The following RASAL2 variants were observed in gnomAD, a reference collection of about 807,000 sequenced individuals.
RASAL2 encodes ras GTPase-activating protein nGAP.
Under a neutral mutation model 128.9 loss-of-function variants are expected in RASAL2, and 58 were observed. The ratio of observed to expected loss-of-function variants is 0.45; its 90% CI spans 0.36 to 0.56. RASAL2 has a LOEUF of 0.56. Ranked by LOEUF, RASAL2 falls within the 20% of genes least tolerant of loss-of-function variation. The pLI, the probability that RASAL2 is intolerant of heterozygous loss-of-function variation, is 0.00. For missense variants in RASAL2, 1,360 were observed against 1,601.6 expected, an observed-to-expected ratio of 0.85 and a Z score of 2.57; for synonymous variants, 561 against 580.8, an observed-to-expected ratio of 0.97 and a Z score of 0.49.
At chr1:178,191,625 A>G (rs978113096) in intron 1 of RASAL2, among the ~76,000 whole-genome samples, 1 of 152,168 alleles carries the variant, frequency 6.6e-6, no homozygotes, top group African/African-American at 2.4e-5. Context: ...TTACTTTCAA[A>G]TGCTGTCTTG....
At chr1:178,278,159 G>A (rs755520424) in intron 1 of RASAL2, among the ~76,000 whole-genome samples, 4 of 152,174 alleles carry the variant, frequency 2.6e-5, no homozygotes, top group South Asian at 4.1e-4. Flanking sequence ...AGGGCTGGGC[G>A]TCTCATTTAC....
intron 3 of RASAL2, among the ~76,000 whole-genome samples, chr1:178,381,064 G>A (rs187805091): frequency 4.6e-5 from 7 of 152,322 alleles, no homozygotes. Flanking sequence ...GAGAATGAAT[G>A]TGGCCAGTTT....
At chr1:178,327,047 G>A (rs1669073262) in intron 3 of RASAL2, among the ~76,000 whole-genome samples, 1 of 152,080 alleles carries the variant, frequency 6.6e-6, no homozygotes, top group South Asian at 2.1e-4. Context: ...TAGTAATATT[G>A]TCCAGGTAAA....
intron 3 of RASAL2, among the ~76,000 whole-genome samples, chr1:178,360,940 G>A (rs995129969): frequency 2.0e-5 from 3 of 152,108 alleles, no homozygotes; most frequent in African/African-American, 4.8e-5. Context: ...TAGATTTGGA[G>A]CCCATGTATG....
intron 1 of RASAL2, among the ~76,000 whole-genome samples, chr1:178,186,641 C>T (rs1179014551): frequency 6.6e-6 from 1 of 151,974 alleles, no homozygotes; most frequent in Non-Finnish European, 1.5e-5. Context: ...AATACTTACC[C>T]TCCTCTGGCT....
chr1:178,103,517 A>G (rs114681899), intron 1 of RASAL2, among the ~76,000 whole-genome samples: 3,897 of 152,224 alleles, frequency 0.026, 85 homozygotes, highest in South Asian at 0.058. Context: ...ACACATAATG[A>G]ATTATCACGA....
chr1:178,318,736 A>T (rs1221208451), intron 3 of RASAL2, among the ~76,000 whole-genome samples: 3 of 151,834 alleles, frequency 2.0e-5, no homozygotes, highest in Admixed American at 2.0e-4. Context: ...ATGGATCTTG[A>T]CTCTTTATCC....
At chr1:178,121,963 T>A (rs1373863657) in intron 1 of RASAL2, among the ~76,000 whole-genome samples, 1 of 152,226 alleles carries the variant, frequency 6.6e-6, no homozygotes, top group Non-Finnish European at 1.5e-5. Flanking sequence ...GTCTTCCTGA[T>A]AACTGTTTTC....
At chr1:178,470,634 A>G (rs1362296883) in intron 17 of RASAL2, 5 of 1,304,414 alleles carry the variant, frequency 3.8e-6, no homozygotes, top group Non-Finnish European at 4.1e-6. Flanking sequence ...TCCTATGAGA[A>G]GCAAAAGCAG....
At chr1:178,119,454 T>C (rs1659635254) in intron 1 of RASAL2, among the ~76,000 whole-genome samples, 1 of 152,198 alleles carries the variant, frequency 6.6e-6, no homozygotes, top group South Asian at 2.1e-4. Context: ...GGTGACATTT[T>C]GCAGCTAGCC....
intron 5 of RASAL2, among the ~76,000 whole-genome samples, chr1:178,439,026 G>A (rs1199087334): frequency 6.6e-6 from 1 of 150,998 alleles, no homozygotes; most frequent in Non-Finnish European, 1.5e-5. Flanking sequence ...AAAACAAAAA[G>A]AAATCATTTG....
At chr1:178,255,215 C>A (rs1665273365) in intron 1 of RASAL2, among the ~76,000 whole-genome samples, 1 of 151,810 alleles carries the variant, frequency 6.6e-6, no homozygotes, top group South Asian at 2.1e-4. Flanking sequence ...GTTCTTCAGG[C>A]TGAAAGCAAG....
chr1:178,334,506 T>A (rs1669490684), intron 3 of RASAL2, among the ~76,000 whole-genome samples: 1 of 151,846 alleles, frequency 6.6e-6, no homozygotes, highest in Non-Finnish European at 1.5e-5. Context: ...GCCTTGCTAA[T>A]TTTTGTATTT....
At chr1:178,304,080 G>T (rs1667884634) in intron 3 of RASAL2, among the ~76,000 whole-genome samples, 1 of 152,058 alleles carries the variant, frequency 6.6e-6, no homozygotes, top group Non-Finnish European at 1.5e-5. Context: ...TATACTTAAA[G>T]AAAATTTTAA....
rs552359072 is a variant in RASAL2, at chr1:178,351,506, C to T, written c.458-38594C>T. Among the ~76,000 whole-genome samples, 6 of 152,068 alleles carry T rather than the reference C, an allele frequency of 3.9e-5. No homozygotes were observed. In the South Asian group the frequency reaches 1.0e-3, roughly 26 times the overall value. ...CAGCACTTTGGGAGGCCAAGGTGGG[C>T]GGATCACGAGGTCAGGAGATCAAGA... On this transcript the variant is annotated intron_variant, in intron 3 of 17. Coordinates refer to ENST00000367649, the MANE Select transcript of RASAL2 (RefSeq NM_170692.4).
rs535192094 is a variant in RASAL2 at position 178,197,202 on chromosome 1, A to G, written c.203-86362A>G. Among the ~76,000 whole-genome samples, 161 of 152,310 alleles carry G rather than the reference A, an allele frequency of 1.1e-3. 1 individual carries two copies. Among genetic ancestry groups the G allele is most frequent in the African/African-American group, 3.8e-3 (158 of 41,570 alleles). On this transcript the variant is annotated intron_variant, in intron 1 of 17. Transcript: ENST00000367649. ...GCCGGGCGTGGTGGCTCACGCCTGTAATCCCAAAACTTTGGGGGGCCGAGG... is the reference window on the plus strand; with the variant it reads ...GCCGGGCGTGGTGGCTCACGCCTGTGATCCCAAAACTTTGGGGGGCCGAGG...
Position 178,467,372 on chromosome 1 carries a change from C to T in RASAL2, c.3629C>T (p.Ala1210Val). 1 of 1,614,136 alleles carries T rather than the reference C, an allele frequency of 6.2e-7. No homozygotes were observed. The highest frequency in any genetic ancestry group is 8.5e-7 in the Non-Finnish European group (1 of 1,179,998). ...GAAGAGGAACTGAAGAAGGATCATG[C>T]TGAGATGCAAGCAGTTATTGATGCA... ...AVEEELKKDH[A>V]EMQAVIDAKQ... Residue 1210 changes from alanine (A) to valine (V), a missense_variant, in exon 17 of 18, where the codon GCT (alanine) becomes GTT (valine). Ala to Val is a moderately conservative substitution (Grantham distance 64). Around this residue, in one of 3 missense-constraint regions of RASAL2, gnomAD observed 741 missense variants for 868.6 expected, o/e 0.85. Transcript: ENST00000367649.
intron 1 of RASAL2, among the ~76,000 whole-genome samples, chr1:178,126,287 C>G (rs2102288661): frequency 6.6e-6 from 1 of 152,236 alleles, no homozygotes; most frequent in South Asian, 2.1e-4. Flanking sequence ...AGTGACAAGT[C>G]TCAAACACAT....
In RASAL2 at chr1:178,441,657, G is replaced by T. The variant is rs780016378; in HGVS notation, c.927+10G>T. The T allele has an allele frequency of 6.3e-7, 1 of 1,589,986 alleles. No homozygotes were observed. The highest frequency in any genetic ancestry group is 1.3e-5 in the African/African-American group (1 of 74,374). On this transcript the variant is annotated intron_variant, in intron 7 of 17. Coordinates refer to ENST00000367649, the MANE Select transcript of RASAL2 (RefSeq NM_170692.4). ...AGTTCAACCTAATAAGGTAATAGTA[G>T]CTTCAAGTATCTAAAAAATGTATAA...
Sources: allele counts gnomAD v4.1 joint callset (sites outside exome capture counted in the v4.1 genomes callset), GRCh38; gene constraint gnomAD v4.1.1; regional missense constraint gnomAD v4.1.1; transcripts MANE v1.5; gene names NCBI Gene and HGNC (gene_info 2026-07-23, HGNC 2026-07-21).